Variants in ARHGAP24 observed in about 807,000 individuals in gnomAD.
The protein encoded by ARHGAP24 is rho GTPase-activating protein 24.
A neutral mutation model predicts 76.4 loss-of-function variants in ARHGAP24; 50 were observed. That is an observed-to-expected ratio of 0.65 (90% CI 0.52 to 0.83). The LOEUF (loss-of-function observed/expected upper bound fraction) is 0.83. ARHGAP24 is among the 40% of genes least tolerant of loss of function. ARHGAP24 has a pLI of 0.00. For synonymous variants in ARHGAP24, 345 were observed against 323.3 expected, an observed-to-expected ratio of 1.07 and a Z score of -0.72; for missense variants, 930 against 914.2, an observed-to-expected ratio of 1.02 and a Z score of -0.22.
chr4:85,665,082 T>G (rs1019365915), intron 2 of ARHGAP24, among the ~76,000 whole-genome samples: 1 of 151,918 alleles, frequency 6.6e-6, no homozygotes, highest in East Asian at 1.9e-4. Context: ...TAACTTTCTG[T>G]CTCGTTTTTC....
At chr4:85,964,835 A>T (rs1384025395) in intron 5 of ARHGAP24, among the ~76,000 whole-genome samples, 1 of 152,088 alleles carries the variant, frequency 6.6e-6, no homozygotes, top group Non-Finnish European at 1.5e-5. Flanking sequence ...AGTATCTTAT[A>T]TACGTAAAGA....
At chr4:85,500,789 C>T (rs1240811823) in intron 1 of ARHGAP24, among the ~76,000 whole-genome samples, 1 of 152,068 alleles carries the variant, frequency 6.6e-6, no homozygotes, top group Non-Finnish European at 1.5e-5. Flanking sequence ...CATAGGTATA[C>T]ATGTGCCATG....
chr4:85,570,686 T>C lies in ARHGAP24; in HGVS notation c.145T>C (p.Tyr49His). The stretch of plus-strand genomic sequence containing the variant: ...GTTTGTGCTCAAGGGGGATCAGCTC[T>C]ATTATTTCAAAGATGAAGATGAAAC... ...RWFVLKGDQL[Y>H]YFKDEDETKP... is the part of the protein sequence containing the mutation. Residue 49 changes from tyrosine (Y) to histidine (H), a missense_variant, in exon 2 of 10, where the codon TAT (tyrosine) becomes CAT (histidine). Transcript: ENST00000395184. The C allele has an allele frequency of 6.2e-7, 1 of 1,614,128 alleles. No individual in the cohort carries two copies. The highest frequency in any genetic ancestry group is 1.1e-5 in the South Asian group (1 of 91,080).
intron 3 of ARHGAP24, among the ~76,000 whole-genome samples, chr4:85,907,976 C>T (rs568159157): frequency 1.3e-4 from 20 of 152,158 alleles, no homozygotes; most frequent in African/African-American, 3.4e-4. Context: ...GCAACCGTCT[C>T]GGAGCTTGGA....
At chr4:85,746,719 C>T (rs1726055874) in intron 3 of ARHGAP24, among the ~76,000 whole-genome samples, 1 of 151,994 alleles carries the variant, frequency 6.6e-6, no homozygotes, top group African/African-American at 2.4e-5. Context: ...TGTGCGATCT[C>T]GGCTCACTAC....
chr4:85,964,138 G>A (rs1414193358), intron 5 of ARHGAP24, among the ~76,000 whole-genome samples: 2 of 152,020 alleles, frequency 1.3e-5, no homozygotes, highest in Admixed American at 1.3e-4. Flanking sequence ...CCAGGCATTT[G>A]TATTTCTTTT....
chr4:85,652,303 TTTCTA>T (rs1721975840), intron 2 of ARHGAP24, among the ~76,000 whole-genome samples: 1 of 152,210 alleles, frequency 6.6e-6, no homozygotes. Flanking sequence ...ATTAGGAATA[TTTCTA>T]CTACCGTATT....
intron 3 of ARHGAP24, among the ~76,000 whole-genome samples, chr4:85,726,440 G>A (rs1402200262): frequency 2.6e-5 from 4 of 152,164 alleles, no homozygotes; most frequent in African/African-American, 7.2e-5. Flanking sequence ...GCCCTGCAAC[G>A]CTGTAGCAAC....
intron 2 of ARHGAP24, among the ~76,000 whole-genome samples, chr4:85,590,589 A>G (rs1728053862): frequency 6.6e-6 from 1 of 151,874 alleles, no homozygotes; most frequent in Non-Finnish European, 1.5e-5. Context: ...TGAACTCCTG[A>G]CCTCAGGTGA....
At chr4:85,534,993 T>C (rs1175402923) in intron 1 of ARHGAP24, among the ~76,000 whole-genome samples, 1 of 151,638 alleles carries the variant, frequency 6.6e-6, no homozygotes, top group Admixed American at 6.6e-5. Flanking sequence ...TAAAGCTGTG[T>C]ATTTAATTAA....
chr4:85,526,635 T>C (rs1295600263), intron 1 of ARHGAP24, among the ~76,000 whole-genome samples: 1 of 152,072 alleles, frequency 6.6e-6, no homozygotes, highest in African/African-American at 2.4e-5. Context: ...TAAATAGTTG[T>C]TACTATTTAT....
chr4:85,933,952 C>T (rs1472721895), intron 4 of ARHGAP24, among the ~76,000 whole-genome samples: 8 of 152,218 alleles, frequency 5.3e-5, no homozygotes, highest in Admixed American at 4.6e-4. Context: ...ATTGCTTCTT[C>T]TTTATGTCTT....
chr4:85,964,838 C>T (rs1459116424), intron 5 of ARHGAP24, among the ~76,000 whole-genome samples: 13 of 151,882 alleles, frequency 8.6e-5, no homozygotes, highest in African/African-American at 1.7e-4. Context: ...ATCTTATATA[C>T]GTAAAGAGAG....
intron 3 of ARHGAP24, among the ~76,000 whole-genome samples, chr4:85,909,774 A>G (rs931803738): frequency 3.3e-5 from 5 of 152,232 alleles, no homozygotes; most frequent in African/African-American, 1.2e-4. Flanking sequence ...GAGGGTGTCT[A>G]GAAAATTGTA....
rs1308151605 is a variant in ARHGAP24 at position 85,999,348 on chromosome 4, T to C, written c.2004-1131T>C. Among the ~76,000 whole-genome samples, 4 of 152,208 alleles carry C rather than the reference T, an allele frequency of 2.6e-5. 1 individual carries two copies. Among genetic ancestry groups the C allele is most frequent in the African/African-American group, 9.6e-5 (4 of 41,454 alleles). On this transcript the variant is annotated intron_variant, in intron 9 of 9. Transcript: ENST00000395184. ...CTAAATGATGTAGGATTACAAAATATGAAGTATTATTTTTTAAAATTCTAG... is the reference window on the plus strand; with the variant it reads ...CTAAATGATGTAGGATTACAAAATACGAAGTATTATTTTTTAAAATTCTAG...
At position 85,824,395 on chromosome 4, in the gene ARHGAP24, C is replaced by A. The variant is rs77488008; in HGVS notation, c.269-99253C>A. 8.6e-3 allele frequency among the ~76,000 whole-genome samples: 1,309 copies of A among 152,236 alleles called. 15 individuals carry two copies. Among genetic ancestry groups the A allele is most frequent in the African/African-American group, 0.03 (1,259 of 41,524 alleles). ...TTCACACACTAGAAACAACCCCATC[C>A]GACTCATCCATGAACCCAGTACTAC... On this transcript the variant is annotated intron_variant, in intron 3 of 9. Coordinates refer to ENST00000395184, the MANE Select transcript of ARHGAP24 (RefSeq NM_001025616.3).
intron 2 of ARHGAP24, among the ~76,000 whole-genome samples, chr4:85,619,205 C>T (rs9996446): frequency 0.33 from 50,251 of 151,862 alleles, 9,355 homozygotes; most frequent in East Asian, 0.84. Flanking sequence ...TTCCAAAAAA[C>T]ATTTATTTAA....
chr4:85,738,794 A>G (rs1205515044), intron 3 of ARHGAP24, among the ~76,000 whole-genome samples: 1 of 152,212 alleles, frequency 6.6e-6, no homozygotes, highest in Non-Finnish European at 1.5e-5. Context: ...TTCCAGCACC[A>G]CGTGTTGAAC....
At chr4:85,896,151 A>T (rs1734168067) in intron 3 of ARHGAP24, among the ~76,000 whole-genome samples, 1 of 152,206 alleles carries the variant, frequency 6.6e-6, no homozygotes, top group Non-Finnish European at 1.5e-5. Flanking sequence ...GGGATATTTA[A>T]ACTCAATTTC....
Sources: gnomAD v4.1 joint callset for allele counts (sites outside exome capture counted in the v4.1 genomes callset) on GRCh38, gnomAD v4.1.1 for gene constraint, MANE v1.5 for transcripts, NCBI Gene and HGNC (gene_info 2026-07-23, HGNC 2026-07-21) for gene names.